PLEKHH2: variants seen among roughly 807,000 people sequenced by gnomAD.
PLEKHH2 encodes the protein pleckstrin homology, MyTH4 and FERM domain containing H2, also known as pleckstrin homology domain-containing family H member 2.
In PLEKHH2, 129 loss-of-function variants were observed where a neutral mutation model predicts 187.9. That is an observed-to-expected ratio of 0.69 (90% CI 0.59 to 0.79). The LOEUF (loss-of-function observed/expected upper bound fraction) is 0.79, where lower values mean the gene tolerates loss of function less well. Among genes scored for constraint, PLEKHH2 ranks in the 30% least tolerant of loss-of-function variants. The pLI, the probability that PLEKHH2 is intolerant of heterozygous loss-of-function variation, is 0.00. For missense variants in PLEKHH2, 2,076 were observed against 1,751.2 expected (o/e 1.19, Z -3.31); for synonymous variants, 686 against 605.6 (o/e 1.13, Z -1.95).
chr2:43,689,723 C>A (rs1312281197), intron 3 of PLEKHH2, among the ~76,000 whole-genome samples: 1 of 152,068 alleles, frequency 6.6e-6, no homozygotes, highest in Non-Finnish European at 1.5e-5. Context: ...ATTTTTCTTG[C>A]CTAGGAAAAT....
chr2:43,757,040 T>A (rs1172728543), intron 25 of PLEKHH2, 79 bp from the exon 26 acceptor site: 4 of 1,153,458 alleles, frequency 3.5e-6, no homozygotes, highest in Non-Finnish European at 4.7e-6. Flanking sequence ...AAAAGAATGT[T>A]TAGAAAAAAT....
In PLEKHH2 at chr2:43,742,820, C is replaced by T; in HGVS notation, c.3301C>T (p.Pro1101Ser). 1 of 1,607,580 alleles carries T rather than the reference C, an allele frequency of 6.2e-7. No individual in the cohort carries two copies. The highest frequency in any genetic ancestry group is 8.5e-7 in the Non-Finnish European group (1 of 1,177,446). Residue 1101 changes from proline (P) to serine (S), a missense_variant, in exon 22 of 30, where the codon CCC becomes TCC. Transcript: ENST00000282406. ...TQQNGDREAR[P>S]SRMEILSTLL... is the part of the protein sequence containing the mutation. Reference sequence around the variant, plus strand: ...ACAAAATGGTGACAGAGAAGCAAGACCCTCAAGGATGGAAATTCTTTCAAC... The same window carrying T: ...ACAAAATGGTGACAGAGAAGCAAGATCCTCAAGGATGGAAATTCTTTCAAC...
intron 2 of PLEKHH2, chr2:43,675,856 A>G: frequency 6.2e-7 from 1 of 1,614,068 alleles, no homozygotes; most frequent in Non-Finnish European, 8.5e-7. Flanking sequence ...CCTTGTAAAC[A>G]AAAGGTACTT....
rs201366976 is a variant in PLEKHH2, at chr2:43,699,867, A to G, written c.909A>G (p.Thr303=). 261 of 1,614,136 alleles carry G rather than the reference A, an allele frequency of 1.6e-4. No individual in the cohort carries two copies. Among genetic ancestry groups the G allele is most frequent in the Non-Finnish European group, 2.1e-4 (248 of 1,180,002 alleles). Residue 303 remains threonine (T), a synonymous_variant, in exon 8 of 30, where the codon ACA becomes ACG. Coordinates refer to ENST00000282406, the MANE Select transcript of PLEKHH2 (RefSeq NM_172069.4). ...AAGGAAGATCCAAGTCCAGATGCACATCCACCCTCTCCAGTCACACATCTG... is the reference window on the plus strand; with the variant it reads ...AAGGAAGATCCAAGTCCAGATGCACGTCCACCCTCTCCAGTCACACATCTG... ...GSKGRSKSRC[T]STLSSHTSEE...
intron 8 of PLEKHH2, among the ~76,000 whole-genome samples, chr2:43,701,503 G>A (rs1482412943): frequency 6.6e-6 from 1 of 152,138 alleles, no homozygotes; most frequent in Non-Finnish European, 1.5e-5. Flanking sequence ...GATATTTTGG[G>A]TGAATTCTGA....
At chr2:43,724,134 T>C (rs946438389) in intron 16 of PLEKHH2, among the ~76,000 whole-genome samples, 7 of 97,156 alleles carry the variant, frequency 7.2e-5, no homozygotes, top group African/African-American at 2.9e-4. Flanking sequence ...CAAGGAGGAC[T>C]TACCAAGGTA....
At chr2:43,642,404 A>T (rs1255981925) in intron 1 of PLEKHH2, among the ~76,000 whole-genome samples, 9 of 152,140 alleles carry the variant, frequency 5.9e-5, no homozygotes, top group African/African-American at 2.2e-4. Context: ...TGATCATGTC[A>T]TCTGTAAGTA....
At chr2:43,720,319 G>A (rs187253539) in intron 15 of PLEKHH2, among the ~76,000 whole-genome samples, 44 of 151,972 alleles carry the variant, frequency 2.9e-4, no homozygotes, top group Admixed American at 2.6e-3. Context: ...TAGATATAGG[G>A]GGTGCACGTG....
chr2:43,717,638 G>C (rs73923858), intron 15 of PLEKHH2, among the ~76,000 whole-genome samples: 7,495 of 152,256 alleles, frequency 0.049, 372 homozygotes, highest in African/African-American at 0.13. Context: ...GAAGTGAAGA[G>C]AGCAAGGTTG....
At chr2:43,681,372 C>A in intron 3 of PLEKHH2, 2 of 1,443,346 alleles carry the variant, frequency 1.4e-6, no homozygotes, top group South Asian at 1.3e-5. Context: ...TACTTCTTGG[C>A]TGCTACTGGA....
intron 16 of PLEKHH2, 59 bp downstream of exon 16, chr2:43,720,808 C>A: frequency 6.5e-7 from 1 of 1,534,018 alleles, no homozygotes; most frequent in African/African-American, 1.4e-5. Context: ...AGGGCTTAAA[C>A]TTTTCCTTTT....
In PLEKHH2 at chr2:43,674,789, A is replaced by G. The variant is rs183519486; in HGVS notation, c.124-4074A>G. Among the ~76,000 whole-genome samples, 149 of 152,256 alleles carry G rather than the reference A, an allele frequency of 9.8e-4. 1 individual carries two copies. The highest frequency in any genetic ancestry group is 3.1e-3 in the African/African-American group (130 of 41,530). On this transcript the variant is annotated intron_variant, in intron 2 of 29. Transcript: ENST00000282406. ...CACCTGAAGTCAGGAGTTCAAGACCAGTCTGACCAATATGGTGAAACGCTG... is the reference window on the plus strand; with the variant it reads ...CACCTGAAGTCAGGAGTTCAAGACCGGTCTGACCAATATGGTGAAACGCTG...
chr2:43,764,152 ATATAT>A (rs1672533666), intron 28 of PLEKHH2, 71 bp from the exon 29 acceptor site: 2 of 857,618 alleles, frequency 2.3e-6, no homozygotes, highest in Admixed American at 6.1e-5. Context: ...TTTAATGGAG[ATATAT>A]TATTAATTAT....
At chr2:43,678,358 C>T (rs1313986311) in intron 2 of PLEKHH2, among the ~76,000 whole-genome samples, 6 of 152,140 alleles carry the variant, frequency 3.9e-5, no homozygotes, top group East Asian at 1.9e-4. Flanking sequence ...CCAAGGCAGG[C>T]GGCTGGGAGG....
intron 28 of PLEKHH2, among the ~76,000 whole-genome samples, 167 bp from the exon 29 acceptor site, chr2:43,764,061 A>G (rs893122062): frequency 1.3e-5 from 2 of 152,168 alleles, no homozygotes; most frequent in African/African-American, 4.8e-5. Context: ...AATTAGTACC[A>G]CTACTATCTA....
intron 19 of PLEKHH2, among the ~76,000 whole-genome samples, chr2:43,736,916 A>G (rs553636338): frequency 1.3e-5 from 2 of 152,278 alleles, no homozygotes; most frequent in Admixed American, 1.3e-4. Flanking sequence ...TCATCTGAGA[A>G]CTGATAAGCA....
rs540678111 is a variant in PLEKHH2 at position 43,721,482 on chromosome 2, T to G, written c.2541+733T>G. On this transcript the variant is annotated intron_variant, in intron 16 of 29. Transcript: ENST00000282406. ...ACATGGGACAGTTAGTATTTCTCCTTCCCTTTTGATAGCCTACACTCTCAG... is the reference window on the plus strand; with the variant it reads ...ACATGGGACAGTTAGTATTTCTCCTGCCCTTTTGATAGCCTACACTCTCAG... Among the ~76,000 whole-genome samples, 8 of 152,142 alleles carry G rather than the reference T, an allele frequency of 5.3e-5. No homozygotes were observed. In the East Asian group the frequency reaches 1.6e-3, roughly 30 times the overall value.
At chr2:43,637,651 T>A (rs1038008741) in intron 1 of PLEKHH2, among the ~76,000 whole-genome samples, 1 of 152,030 alleles carries the variant, frequency 6.6e-6, no homozygotes, top group Non-Finnish European at 1.5e-5. Flanking sequence ...GCCCGTGGGC[T>A]CCCGTGACGT....
chr2:43,767,108 T>A lies in PLEKHH2; in HGVS notation c.*1510T>A, dbSNP rs1672648985. The A allele has an allele frequency of 6.5e-6, 1 of 152,738 alleles. No homozygotes were observed. The highest frequency in any genetic ancestry group is 2.4e-5 in the African/African-American group (1 of 41,478). The allele number at this position is 152,738 out of a possible 1,614,324, so 9.5% of individuals were successfully genotyped here. On this transcript the variant is annotated 3_prime_UTR_variant, in exon 30 of 30. Coordinates refer to ENST00000282406, the MANE Select transcript of PLEKHH2 (RefSeq NM_172069.4). The stretch of plus-strand genomic sequence containing the variant: ...ATTATATTATTAAAATGTTCAATTG[T>A]AATGGTAATCATGAGTATACTTAAT...
Sources: gnomAD v4.1 joint callset for allele counts (sites outside exome capture counted in the v4.1 genomes callset) on GRCh38, gnomAD v4.1.1 for gene constraint, MANE v1.5 for transcripts, NCBI Gene and HGNC (gene_info 2026-07-23, HGNC 2026-07-21) for gene names.